The following AMBN variants were observed in gnomAD, a reference collection of about 807,000 sequenced individuals.
The protein encoded by AMBN is ameloblastin.
AMBN carries 54 observed loss-of-function variants against 48.0 expected under a neutral mutation model. That is an observed-to-expected ratio of 1.12 (90% confidence interval 0.90 to 1.41). The LOEUF (loss-of-function observed/expected upper bound fraction) is 1.41. AMBN is among the 40% of genes most tolerant of loss of function. The pLI is 0.00. For missense variants in AMBN, 571 were observed against 547.3 expected (o/e 1.04, Z -0.43); for synonymous variants, 186 against 190.0 (o/e 0.98, Z 0.17).
Position 70,593,312 on chromosome 4 carries a change from T to C in AMBN, c.16-15T>C. The C allele has an allele frequency of 6.3e-7, 1 of 1,583,220 alleles. No homozygotes were observed. ...AATTCATCTGATTTAATTCTCCAACTTAATTATGTTTTAGATTCCACTTTT... is the reference window on the plus strand; with the variant it reads ...AATTCATCTGATTTAATTCTCCAACCTAATTATGTTTTAGATTCCACTTTT... On this transcript the variant is annotated splice_polypyrimidine_tract_variant and intron_variant, in intron 1 of 12. Transcript: ENST00000322937.
At position 70,602,674 on chromosome 4, in the gene AMBN, T is replaced by A; in HGVS notation, c.570+12T>A. 6.4e-7 allele frequency: 1 copy of A among 1,567,956 alleles called. No individual in the cohort carries two copies. The highest frequency in any genetic ancestry group is 8.7e-7 in the Non-Finnish European group (1 of 1,152,796). Reference sequence around the variant, plus strand: ...CACAAGGTCCATCAGTAAGTACAGATCTCAATGAGACACTTTCTGTATTTT... The same window carrying A: ...CACAAGGTCCATCAGTAAGTACAGAACTCAATGAGACACTTTCTGTATTTT... On this transcript the variant is annotated intron_variant, in intron 7 of 12. Coordinates refer to ENST00000322937, the MANE Select transcript of AMBN (RefSeq NM_016519.6).
intron 12 of AMBN, among the ~76,000 whole-genome samples, chr4:70,604,609 A>G (rs968616231): frequency 6.6e-6 from 1 of 152,236 alleles, no homozygotes; most frequent in Non-Finnish European, 1.5e-5. Flanking sequence ...CACACATATT[A>G]TCTGTGAAAG....
At chr4:70,604,416 A>C (rs940226539) in intron 12 of AMBN, among the ~76,000 whole-genome samples, 3 of 152,234 alleles carry the variant, frequency 2.0e-5, no homozygotes, top group Non-Finnish European at 4.4e-5. Context: ...ATATACTCTT[A>C]TTATGTTATC....
intron 6 of AMBN, chr4:70,601,895 G>A: frequency 1.6e-6 from 1 of 613,654 alleles, no homozygotes; most frequent in South Asian, 1.5e-5. Context: ...ATAAAACTGG[G>A]TTTCTTAGTT....
chr4:70,600,290 T>C (rs190674911), intron 5 of AMBN, among the ~76,000 whole-genome samples: 76 of 151,238 alleles, frequency 5.0e-4, no homozygotes, highest in African/African-American at 1.6e-3. Flanking sequence ...GCCTGGGCAA[T>C]AGAGTGAGAC....
In AMBN at chr4:70,599,526, A is replaced by G. The variant is rs1222712929; in HGVS notation, c.184-10A>G. ...AATATAAGCATGTCTTTTTTTATCC[A>G]TGTCTTTAGTATTCTAGATACGGCT... On this transcript the variant is annotated splice_polypyrimidine_tract_variant and intron_variant, in intron 4 of 12. Transcript: ENST00000322937. 3.2e-6 allele frequency: 5 copies of G among 1,560,216 alleles called. No homozygotes were observed. The highest frequency in any genetic ancestry group is 1.4e-5 in the African/African-American group (1 of 72,796).
chr4:70,595,850 A>C (rs1737372941), intron 2 of AMBN, among the ~76,000 whole-genome samples: 1 of 152,146 alleles, frequency 6.6e-6, no homozygotes, highest in African/African-American at 2.4e-5. Flanking sequence ...ATATTTAACA[A>C]AAAAACAAAA....
chr4:70,592,317 A>G lies in AMBN; in HGVS notation c.-42A>G. On this transcript the variant is annotated 5_prime_UTR_variant, in exon 1 of 13. Coordinates refer to ENST00000322937, the MANE Select transcript of AMBN (RefSeq NM_016519.6). ...AAAAATTTTAATCTTCTTTTCTTAG[A>G]ACTATCTTGGTTGGCATCATCAGGC... 1 of 1,612,222 alleles carries G rather than the reference A, an allele frequency of 6.2e-7. No homozygotes were observed. Among genetic ancestry groups the G allele is most frequent in the African/African-American group, 1.3e-5 (1 of 74,996 alleles).
chr4:70,606,846 T>G lies in AMBN; in HGVS notation c.*116T>G. 3 of 1,131,234 alleles carry G rather than the reference T, an allele frequency of 2.7e-6. No homozygotes were observed. Among genetic ancestry groups the G allele is most frequent in the Non-Finnish European group, 3.7e-6 (3 of 808,628 alleles). 70.1% of individuals were successfully genotyped at this position (1,131,234 alleles called of 1,614,324 possible). On this transcript the variant is annotated 3_prime_UTR_variant, in exon 13 of 13. Transcript: ENST00000322937. ...TCTGCAGCAAAGGCATTAAAAGCGC[T>G]AAGCATATATTAATAAATGCAAGTG...
intron 10 of AMBN, 45 bp downstream of exon 10, chr4:70,603,364 A>G (rs770662595): frequency 6.2e-7 from 1 of 1,612,952 alleles, no homozygotes; most frequent in Non-Finnish European, 8.5e-7. Context: ...ATTTACTTAA[A>G]AGTTTTTCCA....
At position 70,601,529 on chromosome 4, in the gene AMBN, C is replaced by G; in HGVS notation, c.406C>G (p.Gln136Glu). The part of the protein sequence containing the change: ...FLQSAAATTN[Q>E]ATALKEALQP... Reference sequence around the variant, plus strand: ...CCAGTCTGCTGCTGCAACCACCAACCAGGCCACAGCACTGAAAGAAGCACT... The same window carrying G: ...CCAGTCTGCTGCTGCAACCACCAACGAGGCCACAGCACTGAAAGAAGCACT... Residue 136 changes from glutamine (Q) to glutamate (E), a missense_variant, in exon 6 of 13, where the codon CAG becomes GAG. Gln to Glu is a conservative substitution (Grantham distance 29, BLOSUM62 2). Coordinates refer to ENST00000322937, the MANE Select transcript of AMBN (RefSeq NM_016519.6). 6.2e-7 allele frequency: 1 copy of G among 1,614,204 alleles called. No homozygotes were observed. The highest frequency in any genetic ancestry group is 8.5e-7 in the Non-Finnish European group (1 of 1,180,016).
rs141535122 is a variant in AMBN, at chr4:70,606,558, T to G, written c.1172T>G (p.Leu391Ter). ...AAADPLMTPE[L>*]ADVYRTYDAD... ...GCTGACCCACTGATGACCCCTGAAT[T>G]AGCTGATGTTTATAGGACCTACGAT... Residue 391 changes from leucine (L) to a stop codon, truncating the protein, a stop_gained, in exon 13 of 13, where the codon TTA becomes TGA. Coordinates refer to ENST00000322937, the MANE Select transcript of AMBN (RefSeq NM_016519.6). LOFTEE classifies it low-confidence loss of function (END_TRUNC). The G allele has an allele frequency of 6.2e-7, 1 of 1,614,092 alleles. No individual in the cohort carries two copies. The highest frequency in any genetic ancestry group is 8.5e-7 in the Non-Finnish European group (1 of 1,179,992).
At chr4:70,598,293 G>A (rs1737434328) in intron 3 of AMBN, 63 bp from the exon 4 acceptor site, 1 of 1,166,232 alleles carries the variant, frequency 8.6e-7, no homozygotes, top group Non-Finnish European at 1.2e-6. Flanking sequence ...AATATCATGA[G>A]AAATCAGTTG....
chr4:70,593,417 G>A, intron 2 of AMBN, 22 bp downstream of exon 2: 7 of 1,592,538 alleles, frequency 4.4e-6, no homozygotes, highest in Non-Finnish European at 6.0e-6. Flanking sequence ...TTTAGAGTGT[G>A]TCCCAGAAAA....
Position 70,592,319 on chromosome 4 carries a change from C to CTTT in AMBN, c.-39_-38insTTT, listed in dbSNP as rs1380243342. ...AAATTTTAATCTTCTTTTCTTAGAACTATCTTGGTTGGCATCATCAGGCCC... is the reference window on the plus strand; with the variant it reads ...AAATTTTAATCTTCTTTTCTTAGAACTTTTATCTTGGTTGGCATCATCAGGCCC... On this transcript the variant is annotated 5_prime_UTR_variant, in exon 1 of 13. Coordinates refer to ENST00000322937, the MANE Select transcript of AMBN (RefSeq NM_016519.6). The CTTT allele has an allele frequency of 1.9e-6, 3 of 1,612,324 alleles. No individual in the cohort carries two copies. The Admixed American group carries it at 5.0e-5, about 27-fold the overall frequency.
At position 70,602,779 on chromosome 4, in the gene AMBN, A is replaced by G; in HGVS notation, c.571-19A>G. ...TGTTCATTTTTTACTGATAATTTTA[A>G]TATTTATCTACAATATAGCTCCCAG... On this transcript the variant is annotated intron_variant, in intron 7 of 12. Coordinates refer to ENST00000322937, the MANE Select transcript of AMBN (RefSeq NM_016519.6). The G allele has an allele frequency of 6.4e-7, 1 of 1,552,272 alleles. No individual in the cohort carries two copies. Among genetic ancestry groups the G allele is most frequent in the Non-Finnish European group, 8.7e-7 (1 of 1,145,904 alleles).
At chr4:70,596,890 G>A (rs1316844103) in intron 2 of AMBN, 109 bp from the exon 3 acceptor site, 5 of 777,700 alleles carry the variant, frequency 6.4e-6, no homozygotes, top group Admixed American at 2.7e-5. Flanking sequence ...AAACCAAAAT[G>A]GTGGCCTCTC....
rs938758043 is a variant in AMBN, at chr4:70,592,547, G to GA, written c.15+185dup. Among the ~76,000 whole-genome samples the GA allele has an allele frequency of 3.1e-3, 429 of 138,502 alleles. 3 individuals carry two copies. The highest frequency in any genetic ancestry group is 9.8e-3 in the African/African-American group (367 of 37,374). 90.9% of individuals were successfully genotyped at this position (138,502 alleles called of 152,430 possible). ...ACATGCCTAACACCCATTCAACTAA[G>GA]AAAAAAAAAAAGACTTTTATTTATA... On this transcript the variant is annotated intron_variant, in intron 1 of 12. Coordinates refer to ENST00000322937, the MANE Select transcript of AMBN (RefSeq NM_016519.6).
rs1470276004 is a variant in AMBN, at chr4:70,592,383, G to A, written c.15+10G>A. 8.1e-6 allele frequency: 13 copies of A among 1,613,636 alleles called. No individual in the cohort carries two copies. Among genetic ancestry groups the A allele is most frequent in the Middle Eastern group, 3.3e-4 (2 of 6,080 alleles). On this transcript the variant is annotated intron_variant, in intron 1 of 12. Transcript: ENST00000322937. ...CATGTCAGCATCTAAGGTAAAATGG[G>A]ATTTTATGATTTCCATGTGTTTCCT... is the stretch of plus-strand genomic sequence containing the variant.
Sources: allele counts gnomAD v4.1 joint callset (sites outside exome capture counted in the v4.1 genomes callset), GRCh38; gene constraint gnomAD v4.1.1; transcripts MANE v1.5; gene names NCBI Gene and HGNC (gene_info 2026-07-23, HGNC 2026-07-21).